KDM6A: variants seen among roughly 807,000 people sequenced by gnomAD.
The protein encoded by KDM6A is lysine-specific demethylase 6A.
KDM6A carries 11 observed loss-of-function variants against 117.6 expected under a neutral mutation model. The ratio of observed to expected loss-of-function variants is 0.09; its 90% CI spans 0.06 to 0.15. The LOEUF is 0.15. Among genes scored for constraint, KDM6A ranks in the 10% least tolerant of loss-of-function variants. The pLI is 1.00. For synonymous variants in KDM6A, 384 were observed against 396.1 expected (o/e 0.97, Z 0.36); for missense variants, 799 against 1,077.3 (o/e 0.74, Z 3.62).
At chrX:44,914,630 C>T (rs1470318881) in intron 2 of KDM6A, among the ~76,000 whole-genome samples, 1 of 111,205 alleles carries the variant, frequency 9.0e-6, no homozygotes, top group African/African-American at 3.3e-5. Flanking sequence ...TATCCCTAGA[C>T]TTTGCCACTT....
In KDM6A at chrX:45,062,623, A is replaced by G. The variant is rs759827771; in HGVS notation, c.1582-24A>G. ...ATTTCCTAAATATATCTTTGACTAT[A>G]TTCTCTTTTTGTTCTTCTTCTAGCA... is the stretch of plus-strand genomic sequence containing the variant. On this transcript the variant is annotated intron_variant, in intron 15 of 29. Transcript: ENST00000611820. The G allele has an allele frequency of 1.8e-5, 19 of 1,079,870 alleles. No homozygotes were observed. The South Asian group carries it at 3.5e-4, about 20-fold the overall frequency. 89.0% of individuals were successfully genotyped at this position (1,079,870 alleles called of 1,213,427 possible). A position where few individuals can be genotyped will look rare whatever the true frequency, so the allele number is the denominator to read the frequency against.
intron 2 of KDM6A, among the ~76,000 whole-genome samples, chrX:44,900,663 C>A (rs1350862505): frequency 2.7e-5 from 3 of 111,587 alleles, no homozygotes; most frequent in Non-Finnish European, 5.6e-5. Flanking sequence ...CTTTGGGAAT[C>A]CGAGGCGGGC....
chrX:45,062,038 A>G (rs766817587), intron 15 of KDM6A, among the ~76,000 whole-genome samples: 4 of 110,001 alleles, frequency 3.6e-5, no homozygotes, highest in Admixed American at 9.7e-5. Context: ...TTTCCTATCT[A>G]TCATTCCAGA....
chrX:44,971,940 G>T (rs1208201213), intron 3 of KDM6A, among the ~76,000 whole-genome samples: 1 of 110,418 alleles, frequency 9.1e-6, no homozygotes, highest in East Asian at 2.8e-4. Context: ...TAAAGAGGCT[G>T]GGGGAAGGGT....
At chrX:45,011,612 GT>G (rs2041760109) in intron 5 of KDM6A, among the ~76,000 whole-genome samples, 1 of 111,163 alleles carries the variant, frequency 9.0e-6, no homozygotes, top group Non-Finnish European at 1.9e-5. Context: ...CCCCATTGTT[GT>G]TTTTCTGTTT....
intron 4 of KDM6A, among the ~76,000 whole-genome samples, chrX:44,984,000 T>G (rs1376387975): frequency 9.0e-6 from 1 of 110,711 alleles, no homozygotes; most frequent in Non-Finnish European, 1.9e-5. Flanking sequence ...ACTTCCACAA[T>G]GGTTGAACTA....
intron 10 of KDM6A, among the ~76,000 whole-genome samples, chrX:45,058,087 C>CTT (rs1448650686): frequency 1.4e-4 from 7 of 50,127 alleles, no homozygotes; most frequent in African/African-American, 4.6e-4. Context: ...CCCCCCCCCC[C>CTT]TTTTTTTTTT....
At chrX:44,987,655 C>T (rs1290789220) in intron 4 of KDM6A, among the ~76,000 whole-genome samples, 1 of 111,173 alleles carries the variant, frequency 9.0e-6, no homozygotes, top group Non-Finnish European at 1.9e-5. Context: ...TTTATTTCTC[C>T]TTCACTTATG....
intron 18 of KDM6A, among the ~76,000 whole-genome samples, chrX:45,071,225 T>C (rs1356855095): frequency 5.3e-5 from 6 of 112,314 alleles, no homozygotes; most frequent in Admixed American, 4.7e-4. Context: ...AGCAGACATA[T>C]AGTAGATTTT....
At chrX:45,050,918 T>C (rs1427066411) in intron 8 of KDM6A, among the ~76,000 whole-genome samples, 1 of 111,774 alleles carries the variant, frequency 8.9e-6, no homozygotes, top group Non-Finnish European at 1.9e-5. Context: ...TTATAAGATA[T>C]TTTATATATA....
chrX:45,079,531 A>C (rs2045299628), intron 21 of KDM6A, among the ~76,000 whole-genome samples, 180 bp downstream of exon 21: 1 of 110,791 alleles, frequency 9.0e-6, no homozygotes, highest in East Asian at 2.8e-4. Context: ...GTATGTATGT[A>C]TGTATGTATG....
At chrX:45,062,339 T>C (rs1019363526) in intron 15 of KDM6A, among the ~76,000 whole-genome samples, 10 of 112,509 alleles carry the variant, frequency 8.9e-5, no homozygotes, top group African/African-American at 2.3e-4. Context: ...CTTGTCAATA[T>C]ATTTTTAAGC....
chrX:45,089,566 A>G (rs755011638), intron 25 of KDM6A, among the ~76,000 whole-genome samples, 177 bp from the exon 26 acceptor site: 7 of 110,809 alleles, frequency 6.3e-5, no homozygotes, highest in African/African-American at 2.3e-4. Context: ...TTAGTAATTT[A>G]GTACTCAACC....
chrX:45,033,610 GTGGC>G (rs1271971932), intron 6 of KDM6A, among the ~76,000 whole-genome samples: 1 of 110,572 alleles, frequency 9.0e-6, no homozygotes, highest in Non-Finnish European at 1.9e-5. Context: ...TTGGAGTGGA[GTGGC>G]ACACTCTTGG....
intron 17 of KDM6A, among the ~76,000 whole-genome samples, chrX:45,069,076 G>A (rs2044700468): frequency 1.8e-5 from 2 of 111,524 alleles, no homozygotes; most frequent in South Asian, 7.4e-4. Context: ...AGATTTAATA[G>A]TTCTGCCCTT....
chrX:45,108,971 G>C (rs1359815366), intron 28 of KDM6A, among the ~76,000 whole-genome samples: 4 of 87,847 alleles, frequency 4.6e-5, no homozygotes, highest in Non-Finnish European at 8.8e-5. Flanking sequence ...GACTGTTGTG[G>C]GATGGGGGGA....
At chrX:45,087,002 C>CT (rs1399851788) in intron 25 of KDM6A, among the ~76,000 whole-genome samples, 1 of 111,994 alleles carries the variant, frequency 8.9e-6, no homozygotes, top group African/African-American at 3.2e-5. Flanking sequence ...TTATTTTTTC[C>CT]TTTTTTAAGA....
chrX:44,924,597 G>A lies in KDM6A; in HGVS notation c.226-36687G>A, dbSNP rs1390490515. On this transcript the variant is annotated intron_variant, in intron 2 of 29. Transcript: ENST00000611820. Reference sequence around the variant, plus strand: ...ACTTGTGGGAGCACAACTGTGTTTGGTACTGTTTGAGCCATGTGGATATTT... The same window carrying A: ...ACTTGTGGGAGCACAACTGTGTTTGATACTGTTTGAGCCATGTGGATATTT... Among the ~76,000 whole-genome samples, 29 of 108,507 alleles carry A rather than the reference G, an allele frequency of 2.7e-4. 1 individual carries two copies. In the Admixed American group the frequency reaches 2.9e-3, roughly 11 times the overall value. The allele number at this position is 108,507 out of a possible 115,157, so 94.2% of individuals were successfully genotyped here. A position where few individuals can be genotyped will look rare whatever the true frequency, so the allele number is the denominator to read the frequency against.
At chrX:44,982,115 TTAAG>T (rs1304662706) in intron 4 of KDM6A, among the ~76,000 whole-genome samples, 2 of 110,919 alleles carry the variant, frequency 1.8e-5, no homozygotes, top group Non-Finnish European at 3.8e-5. Flanking sequence ...TTTTTCCACT[TTAAG>T]AAAAGAAAGA....
Sources: allele counts gnomAD v4.1 joint callset (sites outside exome capture counted in the v4.1 genomes callset), GRCh38; gene constraint gnomAD v4.1.1; transcripts MANE v1.5; gene names NCBI Gene and HGNC (gene_info 2026-07-23, HGNC 2026-07-21).